ZGRF1: variants seen among roughly 807,000 people sequenced by gnomAD.
ZGRF1 encodes the protein zinc finger GRF-type containing 1.
In ZGRF1, 196 loss-of-function variants were observed where a neutral mutation model predicts 203.5. The ratio of observed to expected loss-of-function variants is 0.96; its 90% confidence interval spans 0.86 to 1.08. ZGRF1 has a LOEUF of 1.08. ZGRF1 is among the 50% of genes least tolerant of loss of function. The pLI is 0.00. For synonymous variants in ZGRF1, 809 were observed against 841.3 expected, an observed-to-expected ratio of 0.96 and a Z score of 0.66; for missense variants, 2,326 against 2,416.3, an observed-to-expected ratio of 0.96 and a Z score of 0.78.
chr4:112,578,643 C>A (rs1169862404), intron 16 of ZGRF1, among the ~76,000 whole-genome samples: 1 of 123,248 alleles, frequency 8.1e-6, no homozygotes, highest in East Asian at 2.4e-4. Context: ...CTATAAACAC[C>A]TCTACGCAAA....
At chr4:112,574,619 T>G (rs1744811026) in intron 16 of ZGRF1, among the ~76,000 whole-genome samples, 1 of 152,238 alleles carries the variant, frequency 6.6e-6, no homozygotes, top group Admixed American at 6.5e-5. Context: ...TTATTTTAAG[T>G]AAGTTACTAA....
At chr4:112,603,808 T>C in intron 9 of ZGRF1, 111 bp from the exon 10 acceptor site, 2 of 701,686 alleles carry the variant, frequency 2.9e-6, no homozygotes, top group South Asian at 2.9e-5. Context: ...TTACAGGAAC[T>C]ATTGTAAATA....
rs892843816 is a variant in ZGRF1, at chr4:112,618,111, T to C, written c.1931A>G (p.Asn644Ser). 3 of 1,613,856 alleles carry C rather than the reference T, an allele frequency of 1.9e-6. No individual in the cohort carries two copies. The Admixed American group carries it at 5.0e-5, about 27-fold the overall frequency. The change falls in exon 6 of 28, where the codon AAT becomes AGT. Residue 644 changes from asparagine (N) to serine (S), a missense_variant. Transcript: ENST00000505019. ...ATCAGTCCACTTGAAAGATTCAAAATTGCTTAATGTGTCACTATACTCCTC... is the reference window on the plus strand; with the variant it reads ...ATCAGTCCACTTGAAAGATTCAAAACTGCTTAATGTGTCACTATACTCCTC... ...EIEEYSDTLS[N>S]FESFKWTDAV...
chr4:112,608,055 G>A (rs1310696016), intron 8 of ZGRF1: 1 of 152,034 alleles, frequency 6.6e-6, no homozygotes, highest in Non-Finnish European at 1.5e-5. Flanking sequence ...TTTCATTACT[G>A]TGAGATGACA....
rs541387253 is a variant in ZGRF1 at position 112,612,442 on chromosome 4, T to C, written c.2667+82A>G. On this transcript the variant is annotated intron_variant, in intron 7 of 27. Coordinates refer to ENST00000505019, the MANE Select transcript of ZGRF1 (RefSeq NM_018392.5). ...GTCATGAACCAAGATAGCTTGGGAC[T>C]GTATTACTATAATTCTATTACAAAT... The C allele has an allele frequency of 1.9e-3, 1,676 of 888,578 alleles. 5 individuals are homozygous for C. The highest frequency in any genetic ancestry group is 2.6e-3 in the Non-Finnish European group (1,484 of 563,916). The allele number at this position is 888,578 out of a possible 1,614,324, so 55.0% of individuals were successfully genotyped here. A position where few individuals can be genotyped will look rare whatever the true frequency, so the allele number is the denominator to read the frequency against.
intron 10 of ZGRF1, among the ~76,000 whole-genome samples, chr4:112,599,781 T>C (rs1180282102): frequency 1.3e-5 from 2 of 152,004 alleles, no homozygotes; most frequent in African/African-American, 4.8e-5. Flanking sequence ...TGCAGACCAA[T>C]AAATCAGAAG....
intron 10 of ZGRF1, among the ~76,000 whole-genome samples, chr4:112,595,420 A>G (rs567501417): frequency 6.6e-6 from 1 of 152,110 alleles, no homozygotes; most frequent in Non-Finnish European, 1.5e-5. Flanking sequence ...GTAATATACA[A>G]TTAAAAACTG....
In ZGRF1 at chr4:112,558,215, A is replaced by G; in HGVS notation, c.5055T>C (p.Asn1685=). The G allele has an allele frequency of 1.9e-6, 3 of 1,607,852 alleles. No homozygotes were observed. The highest frequency in any genetic ancestry group is 2.5e-6 in the Non-Finnish European group (3 of 1,177,656). The change falls in exon 20 of 28, where the codon AAT becomes AAC. Residue 1685 remains asparagine, a synonymous_variant. Transcript: ENST00000505019. ...AAATCAGAAGTTTCCACGGCCTTGCATTTCCAATGGTGGGAGCTTCACTCT... is the reference window on the plus strand; with the variant it reads ...AAATCAGAAGTTTCCACGGCCTTGCGTTTCCAATGGTGGGAGCTTCACTCT... ...FEKSEAPTIG[N]ARPWKLLISS...
intron 6 of ZGRF1, among the ~76,000 whole-genome samples, chr4:112,614,672 C>CA (rs2149138664): frequency 6.6e-6 from 1 of 151,946 alleles, no homozygotes; most frequent in East Asian, 1.9e-4. Flanking sequence ...TAAAAAAAAA[C>CA]AAAAATTAGT....
chr4:112,568,247 TA>T (rs1743497682), intron 16 of ZGRF1, among the ~76,000 whole-genome samples: 1 of 151,498 alleles, frequency 6.6e-6, no homozygotes, highest in Non-Finnish European at 1.5e-5. Context: ...TTCCCAGAAG[TA>T]AAAAAAAGAT....
chr4:112,540,111 A>T lies in ZGRF1; in HGVS notation c.5924T>A (p.Leu1975His). The change falls in exon 27 of 28, where the codon CTC becomes CAC. Residue 1975 changes from leucine to histidine, a missense_variant. Physicochemically the swap from Leu to His is moderately conservative, Grantham distance 99. Coordinates refer to ENST00000505019, the MANE Select transcript of ZGRF1 (RefSeq NM_018392.5). ...AGGATGGTGAAAGTCCACAGCACTG[A>T]GTAAATGACAAAGCTGTGGAAGAAA... ...KSQMYKLCHL[L>H]SAVDFHHPDI... 1 of 1,561,024 alleles carries T rather than the reference A, an allele frequency of 6.4e-7. No individual in the cohort carries two copies. Among genetic ancestry groups the T allele is most frequent in the Non-Finnish European group, 8.7e-7 (1 of 1,149,872 alleles).
chr4:112,589,107 C>A (rs954535732), intron 11 of ZGRF1, among the ~76,000 whole-genome samples: 20 of 152,038 alleles, frequency 1.3e-4, no homozygotes, highest in Non-Finnish European at 2.4e-4. Flanking sequence ...ACAACTCACC[C>A]CTCACCCAAC....
At position 112,539,520 on chromosome 4, in the gene ZGRF1, A is replaced by G; in HGVS notation, c.*27T>C. On this transcript the variant is annotated 3_prime_UTR_variant, in exon 28 of 28. Transcript: ENST00000505019. ...TGTAAAATGAGTCTGAATTTACATA[A>G]ATACAAAATATTTACACCATGTCTT... 8.9e-7 allele frequency: 1 copy of G among 1,122,954 alleles called. No individual in the cohort carries two copies. Among genetic ancestry groups the G allele is most frequent in the Non-Finnish European group, 1.3e-6 (1 of 775,916 alleles). The allele number at this position is 1,122,954 out of a possible 1,614,324, so 69.6% of individuals were successfully genotyped here.
intron 3 of ZGRF1, among the ~76,000 whole-genome samples, chr4:112,629,332 A>G (rs1280709558): frequency 5.9e-5 from 9 of 152,254 alleles, no homozygotes; most frequent in Admixed American, 1.3e-4. Flanking sequence ...ATGATCATGA[A>G]CAGATTTTAG....
At chr4:112,541,751 C>T (rs777413487) in intron 24 of ZGRF1, among the ~76,000 whole-genome samples, 4 of 151,916 alleles carry the variant, frequency 2.6e-5, no homozygotes, top group Admixed American at 6.5e-5. Context: ...TGGTCTTGAA[C>T]TCCTGACTCA....
intron 4 of ZGRF1, among the ~76,000 whole-genome samples, chr4:112,622,812 A>G (rs74286157): frequency 0.014 from 2,148 of 152,190 alleles, 17 homozygotes; most frequent in Middle Eastern, 0.044. Context: ...ATTTGACAGA[A>G]TATTTATGTA....
chr4:112,580,591 A>C (rs1203569407), intron 16 of ZGRF1, among the ~76,000 whole-genome samples: 12 of 152,152 alleles, frequency 7.9e-5, no homozygotes, highest in Non-Finnish European at 1.5e-4. Context: ...GAAAAAAACA[A>C]ACAACCCCAT....
At chr4:112,548,142 T>C in intron 23 of ZGRF1, 111 bp downstream of exon 23, 1 of 869,474 alleles carries the variant, frequency 1.2e-6, no homozygotes. Flanking sequence ...GGATTCGCCA[T>C]GTTGTCCAAG....
intron 16 of ZGRF1, among the ~76,000 whole-genome samples, chr4:112,580,158 C>G (rs201591343): frequency 8.2e-6 from 1 of 122,698 alleles, no homozygotes; most frequent in African/African-American, 2.8e-5. Flanking sequence ...ACAAACCTGA[C>G]AAAAACAAGC....
Sources: allele counts gnomAD v4.1 joint callset (sites outside exome capture counted in the v4.1 genomes callset), GRCh38; gene constraint gnomAD v4.1.1; transcripts MANE v1.5; gene names NCBI Gene and HGNC (gene_info 2026-07-23, HGNC 2026-07-21).